The following ITGA8 variants were observed in gnomAD, a reference collection of about 807,000 sequenced individuals.
ITGA8 encodes integrin alpha-8.
ITGA8 carries 91 observed loss-of-function variants against 142.3 expected under a neutral mutation model. The ratio of observed to expected loss-of-function variants is 0.64; its 90% CI spans 0.54 to 0.76. The LOEUF is 0.76. ITGA8 is among the 30% of genes least tolerant of loss of function. The probability of loss-of-function intolerance (pLI) is 0.00; values close to 1 mark genes in which losing one functional copy is unlikely to be tolerated. For synonymous variants in ITGA8, 505 were observed against 485.2 expected (o/e 1.04, Z -0.54); for missense variants, 1,406 against 1,327.7 (o/e 1.06, Z -0.92).
chr10:15,589,412 T>C (rs1289870663), intron 22 of ITGA8, among the ~76,000 whole-genome samples: 1 of 152,128 alleles, frequency 6.6e-6, no homozygotes, highest in East Asian at 1.9e-4. Flanking sequence ...AGGAAAATGT[T>C]TATGTCGTGT....
intron 22 of ITGA8, among the ~76,000 whole-genome samples, chr10:15,586,902 A>T (rs773946235): frequency 6.6e-6 from 1 of 152,154 alleles, no homozygotes. Flanking sequence ...CTGGAAATAC[A>T]ATAGATATCT....
intron 2 of ITGA8, among the ~76,000 whole-genome samples, chr10:15,703,553 T>C (rs567233648): frequency 2.2e-4 from 33 of 152,266 alleles, no homozygotes; most frequent in African/African-American, 7.5e-4. Flanking sequence ...CCAAGGGAAA[T>C]GATAAGTTAT....
At chr10:15,576,836 T>A (rs1834306820) in intron 23 of ITGA8, among the ~76,000 whole-genome samples, 1 of 152,262 alleles carries the variant, frequency 6.6e-6, no homozygotes, top group African/African-American at 2.4e-5. Context: ...GAAATGTTGC[T>A]AAATTGCATA....
At chr10:15,537,981 A>AAAC (rs1564341778) in intron 27 of ITGA8, among the ~76,000 whole-genome samples, 1 of 151,540 alleles carries the variant, frequency 6.6e-6, no homozygotes, top group African/African-American at 2.4e-5. Context: ...CAAAAAAAAA[A>AAAC]CACAAAAATT....
intron 8 of ITGA8, among the ~76,000 whole-genome samples, chr10:15,662,851 C>T (rs919459283): frequency 2.6e-5 from 4 of 152,138 alleles, no homozygotes; most frequent in African/African-American, 9.7e-5. Context: ...CATCAAATTA[C>T]ATTCCTGGAA....
At chr10:15,524,195 A>C (rs937687342) in intron 28 of ITGA8, among the ~76,000 whole-genome samples, 4 of 152,128 alleles carry the variant, frequency 2.6e-5, no homozygotes, top group African/African-American at 9.7e-5. Context: ...AGCTGCAGAG[A>C]CCTTCCTTCA....
intron 25 of ITGA8, among the ~76,000 whole-genome samples, chr10:15,562,519 A>G (rs1029589886): frequency 3.2e-4 from 48 of 152,244 alleles, no homozygotes; most frequent in African/African-American, 1.1e-3. Flanking sequence ...GAAAGAAGGT[A>G]TGGCCAGAGG....
intron 28 of ITGA8, 60 bp downstream of exon 28, chr10:15,530,990 T>G (rs1205865151): frequency 1.2e-5 from 12 of 992,908 alleles, no homozygotes; most frequent in Admixed American, 2.5e-5. Flanking sequence ...AGCTAGACAG[T>G]GATTAAAACA....
At chr10:15,591,337 A>G (rs558081629) in intron 22 of ITGA8, among the ~76,000 whole-genome samples, 2 of 150,898 alleles carry the variant, frequency 1.3e-5, no homozygotes, top group Admixed American at 6.6e-5. Context: ...AAATACATAC[A>G]TCTCACTAGA....
intron 25 of ITGA8, among the ~76,000 whole-genome samples, chr10:15,565,573 A>AT (rs71374633): frequency 0.036 from 1,239 of 34,776 alleles, 295 homozygotes; most frequent in East Asian, 0.14. Context: ...TCATGTCCTG[A>AT]TTTTTTTTTT....
intron 25 of ITGA8, among the ~76,000 whole-genome samples, chr10:15,561,242 T>TAC: frequency 9.7e-6 from 1 of 103,144 alleles, no homozygotes; most frequent in African/African-American, 6.8e-5. Context: ...TATGTATATA[T>TAC]ATATATATAT....
At chr10:15,679,366 T>C (rs745948680) in intron 4 of ITGA8, among the ~76,000 whole-genome samples, 12 of 152,124 alleles carry the variant, frequency 7.9e-5, no homozygotes, top group Non-Finnish European at 1.6e-4. Flanking sequence ...GCGCAGATCA[T>C]GAGGTCAAGA....
At position 15,572,349 on chromosome 10, in the gene ITGA8, A is replaced by G; in HGVS notation, c.2499T>C (p.Ser833=). ...CCTCCAGGATGGTGTCACTGATGGT[A>G]CTTGGTCCAATATTGTGCAGCTGTA... The part of the protein sequence containing the change: ...HIYELHNIGP[S]TISDTILEVG... The change falls in exon 25 of 30, where the codon AGT becomes AGC. Residue 833 remains serine (S), a synonymous_variant. Coordinates refer to ENST00000378076, the MANE Select transcript of ITGA8 (RefSeq NM_003638.3). 6.2e-7 allele frequency: 1 copy of G among 1,613,932 alleles called. No homozygotes were observed. Among genetic ancestry groups the G allele is most frequent in the Non-Finnish European group, 8.5e-7 (1 of 1,179,864 alleles).
rs141621826 is a variant in ITGA8 at position 15,646,908 on chromosome 10, G to A, written c.1145C>T (p.Thr382Met). 21 of 1,613,908 alleles carry A rather than the reference G, an allele frequency of 1.3e-5. No individual in the cohort carries two copies. The highest frequency in any genetic ancestry group is 3.3e-5 in the Admixed American group (2 of 59,988). Residue 382 changes from threonine (T) to methionine (M), a missense_variant, in exon 12 of 30, where the codon ACG becomes ATG. By Grantham distance (81) the Thr-to-Met change is moderately conservative. Transcript: ENST00000378076. ...RDPQILTGTETFGRFGSAMAH... is the reference protein window; with the variant it reads ...RDPQILTGTEMFGRFGSAMAH... ...CATAGCACTACCGAATCTCCCAAAC[G>A]TCTCGGTGCCAGTGAGGATCTGGGG...
chr10:15,532,098 C>T (rs1301816339), intron 27 of ITGA8, among the ~76,000 whole-genome samples: 1 of 152,028 alleles, frequency 6.6e-6, no homozygotes, highest in South Asian at 2.1e-4. Context: ...TCCCTGGCCC[C>T]TGGCTAGATG....
At chr10:15,716,373 T>A (rs1835451637) in intron 2 of ITGA8, among the ~76,000 whole-genome samples, 1 of 152,222 alleles carries the variant, frequency 6.6e-6, no homozygotes, top group South Asian at 2.1e-4. Context: ...CATCAATCTC[T>A]AAAGCCCTTT....
chr10:15,691,360 G>A (rs567367914), intron 2 of ITGA8, among the ~76,000 whole-genome samples: 1 of 152,320 alleles, frequency 6.6e-6, no homozygotes, highest in South Asian at 2.1e-4. Context: ...CAAAGGAAAG[G>A]AAATCAGCAT....
At chr10:15,686,632 C>T (rs1834837221) in intron 3 of ITGA8, among the ~76,000 whole-genome samples, 1 of 152,166 alleles carries the variant, frequency 6.6e-6, no homozygotes, top group Admixed American at 6.5e-5. Flanking sequence ...AAAAATGATA[C>T]TTCTGGAGGT....
At chr10:15,559,060 G>A (rs560952792) in intron 25 of ITGA8, among the ~76,000 whole-genome samples, 39 of 152,290 alleles carry the variant, frequency 2.6e-4, no homozygotes, top group African/African-American at 9.1e-4. Context: ...ATGGAATGAA[G>A]AAAAGAAATT....
Sources: allele counts gnomAD v4.1 joint callset (sites outside exome capture counted in the v4.1 genomes callset), GRCh38; gene constraint gnomAD v4.1.1; transcripts MANE v1.5; gene names NCBI Gene and HGNC (gene_info 2026-07-23, HGNC 2026-07-21).